Variants in MEGF10 observed in about 807,000 individuals in gnomAD.
The protein encoded by MEGF10 is multiple epidermal growth factor-like domains protein 10.
MEGF10 carries 86 observed loss-of-function variants against 147.5 expected under a neutral mutation model. The observed-to-expected ratio is 0.58, with a 90% CI of 0.49 to 0.70. MEGF10 has a LOEUF of 0.70. MEGF10 is among the 30% of genes least tolerant of loss of function. The pLI is 0.00. For missense variants in MEGF10, 1,329 were observed against 1,487.3 expected, an observed-to-expected ratio of 0.89 and a Z score of 1.75; for synonymous variants, 478 against 525.5, an observed-to-expected ratio of 0.91 and a Z score of 1.24.
intron 4 of MEGF10, among the ~76,000 whole-genome samples, chr5:127,347,166 A>G (rs1171848291): frequency 6.6e-6 from 1 of 152,044 alleles, no homozygotes; most frequent in African/African-American, 2.4e-5. Flanking sequence ...ATCCTCAGAG[A>G]AATGAAATTG....
At chr5:127,374,547 C>G (rs1762958124) in intron 5 of MEGF10, among the ~76,000 whole-genome samples, 2 of 152,132 alleles carry the variant, frequency 1.3e-5, no homozygotes, top group South Asian at 4.2e-4. Context: ...TAATATACAG[C>G]AATTCATCTT....
intron 4 of MEGF10, among the ~76,000 whole-genome samples, chr5:127,344,618 A>T (rs1287146657): frequency 6.6e-6 from 1 of 152,204 alleles, no homozygotes; most frequent in Non-Finnish European, 1.5e-5. Flanking sequence ...GACTTCAAAT[A>T]TTTAAATAAA....
At chr5:127,411,811 T>C (rs1447460226) in intron 9 of MEGF10, among the ~76,000 whole-genome samples, 1 of 152,196 alleles carries the variant, frequency 6.6e-6, no homozygotes, top group East Asian at 1.9e-4. Flanking sequence ...TAGGGACAAG[T>C]CATGAATTTG....
chr5:127,340,494 TA>T (rs759067011), intron 3 of MEGF10, 35 bp from the exon 4 acceptor site: 1 of 1,558,498 alleles, frequency 6.4e-7, no homozygotes. Flanking sequence ...TTCAGACTTT[TA>T]TTATGTTTAA....
At chr5:127,379,921 G>A (rs1763186442) in intron 5 of MEGF10, among the ~76,000 whole-genome samples, 1 of 152,020 alleles carries the variant, frequency 6.6e-6, no homozygotes. Context: ...GGCTTCTGTA[G>A]GTCAGTTAGT....
In MEGF10 at chr5:127,334,749, T is replaced by C. The variant is rs74728668; in HGVS notation, c.116+3325T>C. The stretch of plus-strand genomic sequence containing the variant: ...GAGCTTTTCCATTCAGTGGGGTTTC[T>C]TCTAAAGAAGGCACAAGTGAAGAGA... On this transcript the variant is annotated intron_variant, in intron 2 of 24. Transcript: ENST00000503335. Among the ~76,000 whole-genome samples, 973 of 152,264 alleles carry C rather than the reference T, an allele frequency of 6.4e-3. 12 individuals are homozygous for C. The highest frequency in any genetic ancestry group is 0.023 in the African/African-American group (936 of 41,554).
At chr5:127,251,947 A>G in the MEGF10 span, among the ~76,000 whole-genome samples, 1 of 152,008 alleles carries the variant, frequency 6.6e-6, no homozygotes, top group Non-Finnish European at 1.5e-5. Context: ...TCCAATAGAA[A>G]AATGAATGAT....
intron 5 of MEGF10, among the ~76,000 whole-genome samples, chr5:127,388,407 C>G (rs2126900050): frequency 6.6e-6 from 1 of 152,198 alleles, no homozygotes; most frequent in Admixed American, 6.5e-5. Flanking sequence ...CCTCAGCCTC[C>G]CAAAGTGCTG....
chr5:127,449,007 T>C, intron 21 of MEGF10, 92 bp from the exon 22 acceptor site: 1 of 1,529,448 alleles, frequency 6.5e-7, no homozygotes, highest in South Asian at 1.3e-5. Flanking sequence ...TGGTCCTCAA[T>C]ATGTGCCCTG....
intron 4 of MEGF10, among the ~76,000 whole-genome samples, chr5:127,345,748 T>C (rs551651868): frequency 2.6e-5 from 4 of 152,264 alleles, no homozygotes; most frequent in South Asian, 2.1e-4. Flanking sequence ...TTTGGTTATA[T>C]CAATAAGTTC....
At chr5:127,299,256 TTC>T (rs1759659262) in intron 1 of MEGF10, among the ~76,000 whole-genome samples, 1 of 152,222 alleles carries the variant, frequency 6.6e-6, no homozygotes. Context: ...CAGAGAACAA[TTC>T]TGTGTTCCTG....
intron 13 of MEGF10, among the ~76,000 whole-genome samples, chr5:127,424,085 C>T (rs146384622): frequency 5.6e-4 from 86 of 152,242 alleles, no homozygotes; most frequent in Admixed American, 4.2e-3. Context: ...AATTCTTTTG[C>T]GTGTGGCTAT....
chr5:127,260,055 G>T, the MEGF10 span, among the ~76,000 whole-genome samples: 3 of 152,062 alleles, frequency 2.0e-5, no homozygotes, highest in African/African-American at 7.3e-5. Context: ...TACTCAGGAG[G>T]CTGAGGCAGG....
chr5:127,311,099 C>T (rs1158496649), intron 1 of MEGF10, among the ~76,000 whole-genome samples: 5 of 152,188 alleles, frequency 3.3e-5, no homozygotes, highest in Admixed American at 2.0e-4. Flanking sequence ...ATATATTCCT[C>T]TTATTTCTAT....
At chr5:127,354,337 A>G (rs1277498634) in intron 4 of MEGF10, among the ~76,000 whole-genome samples, 2 of 152,196 alleles carry the variant, frequency 1.3e-5, no homozygotes, top group African/African-American at 2.4e-5. Context: ...GGGAGTCACA[A>G]TAACTGTTTG....
chr5:127,371,191 CTGTGTGTGTGTGTG>C (rs10591122), intron 5 of MEGF10, among the ~76,000 whole-genome samples: 14,219 of 126,216 alleles, frequency 0.11, 871 homozygotes, highest in Non-Finnish European at 0.16. Context: ...GGGACTGGGA[CTGTGTGTGTGTGTG>C]TGTGTGTGTG....
chr5:127,329,538 A>T (rs1554090894), intron 1 of MEGF10, among the ~76,000 whole-genome samples: 1 of 151,724 alleles, frequency 6.6e-6, no homozygotes, highest in Non-Finnish European at 1.5e-5. Flanking sequence ...ATTGTTGTTT[A>T]TTTGTTTATT....
rs1214605392 is a variant in MEGF10 at position 127,440,778 on chromosome 5, T to A, written c.2273T>A (p.Ile758Lys). 1 of 1,614,026 alleles carries A rather than the reference T, an allele frequency of 6.2e-7. No individual in the cohort carries two copies. The highest frequency in any genetic ancestry group is 1.3e-5 in the African/African-American group (1 of 74,918). Residue 758 changes from isoleucine (I) to lysine (K), a missense_variant, in exon 18 of 25, where the codon ATA (isoleucine) becomes AAA (lysine). By Grantham distance (102) the Ile-to-Lys change is moderately radical. Coordinates refer to ENST00000503335, the MANE Select transcript of MEGF10 (RefSeq NM_001256545.2). The part of the protein sequence containing the change: ...LGFYGKDCAL[I>K]CQCQNGADCD... ...TTTTATGGAAAAGATTGTGCACTGA[T>A]ATGCCAATGTCAAAACGGAGCTGAC... is the stretch of plus-strand genomic sequence containing the variant.
chr5:127,407,510 A>G (rs1370921762), intron 8 of MEGF10, among the ~76,000 whole-genome samples: 1 of 152,220 alleles, frequency 6.6e-6, no homozygotes, highest in East Asian at 1.9e-4. Context: ...ATGCTTATCC[A>G]TTCTTACCAA....
Sources: gnomAD v4.1 joint callset for allele counts (sites outside exome capture counted in the v4.1 genomes callset) on GRCh38, gnomAD v4.1.1 for gene constraint, MANE v1.5 for transcripts, NCBI Gene and HGNC (gene_info 2026-07-23, HGNC 2026-07-21) for gene names.